NEXN: variants seen among roughly 807,000 people sequenced by gnomAD.
The protein encoded by NEXN is nexilin F-actin binding protein.
In NEXN, 65 loss-of-function variants were observed where a neutral mutation model predicts 92.6. The observed-to-expected ratio is 0.70, with a 90% CI of 0.57 to 0.86. NEXN has a LOEUF of 0.86. NEXN is among the 40% of genes least tolerant of loss of function. The pLI is 0.00. For synonymous variants in NEXN, 254 were observed against 242.5 expected, an observed-to-expected ratio of 1.05 and a Z score of -0.44; for missense variants, 778 against 771.1, an observed-to-expected ratio of 1.01 and a Z score of -0.11.
At chr1:77,931,412 C>CAAAAA (rs138490881) in intron 9 of NEXN, among the ~76,000 whole-genome samples, 1 of 57,590 alleles carries the variant, frequency 1.7e-5, no homozygotes. Context: ...GACTCCGTCT[C>CAAAAA]AAAAAAAAAA....
intron 11 of NEXN, among the ~76,000 whole-genome samples, chr1:77,937,915 T>A (rs900727731): frequency 6.6e-6 from 1 of 152,142 alleles, no homozygotes; most frequent in Non-Finnish European, 1.5e-5. Flanking sequence ...AATAAGAGTA[T>A]GTGTTACTGT....
intron 1 of NEXN, 92 bp from the exon 2 acceptor site, chr1:77,915,963 T>G (rs1648942920): frequency 1.3e-5 from 4 of 316,248 alleles, no homozygotes; most frequent in Non-Finnish European, 2.2e-5. Flanking sequence ...CAGTATTTTT[T>G]GAGGGGCAAT....
At position 77,941,592 on chromosome 1, in the gene NEXN, G is replaced by A. The variant is rs1651313752; in HGVS notation, c.1474-431G>A. 3.7e-5 allele frequency: 7 copies of A among 191,274 alleles called. No homozygotes were observed. In the South Asian group the frequency reaches 5.8e-4, roughly 16 times the overall value. 11.8% of individuals were successfully genotyped at this position (191,274 alleles called of 1,614,324 possible). A position where few individuals can be genotyped will look rare whatever the true frequency, so the allele number is the denominator to read the frequency against. Reference sequence around the variant, plus strand: ...TTGGAGGGAATTCATTAGGGACATAGTTCTAAGAAGGGTAAAGAAGGAAAA... The same window carrying A: ...TTGGAGGGAATTCATTAGGGACATAATTCTAAGAAGGGTAAAGAAGGAAAA... On this transcript the variant is annotated intron_variant, in intron 11 of 12. Coordinates refer to ENST00000334785, the MANE Select transcript of NEXN (RefSeq NM_144573.4).
chr1:77,904,096 G>GA (rs1353399637), intron 1 of NEXN, among the ~76,000 whole-genome samples: 31 of 152,198 alleles, frequency 2.0e-4, no homozygotes, highest in Middle Eastern at 3.4e-3. Flanking sequence ...AGGTTCAAGG[G>GA]ATTCTCCTGC....
At chr1:77,904,389 T>C (rs964551490) in intron 1 of NEXN, among the ~76,000 whole-genome samples, 1 of 152,230 alleles carries the variant, frequency 6.6e-6, no homozygotes, top group Admixed American at 6.5e-5. Context: ...TTTGAGAATA[T>C]GTTTCTAAAA....
intron 9 of NEXN, among the ~76,000 whole-genome samples, chr1:77,932,870 T>A (rs1436825726): frequency 6.6e-6 from 1 of 152,170 alleles, no homozygotes; most frequent in Non-Finnish European, 1.5e-5. Flanking sequence ...ATGTGAAACC[T>A]ATTTAAGAAA....
At chr1:77,904,640 T>A (rs1647968074) in intron 1 of NEXN, among the ~76,000 whole-genome samples, 1 of 151,992 alleles carries the variant, frequency 6.6e-6, no homozygotes. Flanking sequence ...GAGCGTAGAG[T>A]CTACCATGCG....
chr1:77,891,626 C>T (rs1189216276), intron 1 of NEXN, among the ~76,000 whole-genome samples: 1 of 151,988 alleles, frequency 6.6e-6, no homozygotes, highest in African/African-American at 2.4e-5. Context: ...ATAGGCCTCC[C>T]CTTTGACCCT....
chr1:77,917,603 A>G lies in NEXN; in HGVS notation c.65A>G (p.Tyr22Cys), dbSNP rs1057518512. The part of the protein sequence containing the change: ...LSSSKPVPKT[Y>C]VPKLGKGDVK... ...TCATCTAAACCTGTCCCAAAAACCT[A>G]TGTACCAAAACTTGGCAAGGGTGAT... The change falls in exon 3 of 13, where the codon TAT (tyrosine) becomes TGT (cysteine). Residue 22 changes from tyrosine to cysteine, a missense_variant. This residue lies in a region of NEXN where 236 missense variants were observed against 265.6 expected (regional missense o/e 0.89). Coordinates refer to ENST00000334785, the MANE Select transcript of NEXN (RefSeq NM_144573.4). The G allele has an allele frequency of 3.1e-6, 5 of 1,613,476 alleles. No homozygotes were observed. The highest frequency in any genetic ancestry group is 1.3e-5 in the African/African-American group (1 of 74,900).
rs748404504 is a variant in NEXN, at chr1:77,942,660, A to G, written c.1859A>G (p.Glu620Gly). The G allele has an allele frequency of 9.9e-6, 16 of 1,613,692 alleles. No homozygotes were observed. Among genetic ancestry groups the G allele is most frequent in the African/African-American group, 1.3e-5 (1 of 74,890 alleles). ...GAAATTACATGGTGGTTTGAAGGAGAAATACTGCAGGATGGAGAAGACTAT... is the reference window on the plus strand; with the variant it reads ...GAAATTACATGGTGGTTTGAAGGAGGAATACTGCAGGATGGAGAAGACTAT... Reference protein sequence around the residue: ...KPEITWWFEGEILQDGEDYQY... With the variant: ...KPEITWWFEGGILQDGEDYQY... Residue 620 changes from glutamate (E) to glycine (G), a missense_variant, in exon 13 of 13, where the codon GAA becomes GGA. Physicochemically the swap from Glu to Gly is moderately conservative, Grantham distance 98. This residue lies in a region of NEXN where 532 missense variants were observed against 476.7 expected (regional missense o/e 1.12). Coordinates refer to ENST00000334785, the MANE Select transcript of NEXN (RefSeq NM_144573.4).
intron 10 of NEXN, among the ~76,000 whole-genome samples, chr1:77,934,673 G>A (rs568281447): frequency 1.7e-3 from 262 of 152,304 alleles, no homozygotes; most frequent in Middle Eastern, 3.4e-3. Context: ...CCCAGGTTGC[G>A]TGGGCAGCAG....
At position 77,942,854 on chromosome 1, in the gene NEXN, T is replaced by G; in HGVS notation, c.*25T>G. The stretch of plus-strand genomic sequence containing the variant: ...ATCACTCTTTTTATCTTTTATTCTA[T>G]TAATTTTTTTTTCCTTAAAATCACT... On this transcript the variant is annotated 3_prime_UTR_variant, in exon 13 of 13. Transcript: ENST00000334785. 1 of 1,575,480 alleles carries G rather than the reference T, an allele frequency of 6.3e-7. No individual in the cohort carries two copies. The highest frequency in any genetic ancestry group is 1.4e-5 in the African/African-American group (1 of 73,050).
At chr1:77,891,745 A>AT (rs1647109830) in intron 1 of NEXN, among the ~76,000 whole-genome samples, 2 of 44,006 alleles carry the variant, frequency 4.5e-5, no homozygotes, top group African/African-American at 1.6e-4. Flanking sequence ...GTGGAAAAAA[A>AT]GTAAAAAAAA....
intron 9 of NEXN, among the ~76,000 whole-genome samples, chr1:77,931,231 CAAAAAAA>C (rs367898061): frequency 8.3e-5 from 10 of 120,574 alleles, no homozygotes; most frequent in African/African-American, 3.6e-4. Flanking sequence ...ACTAAAAATA[CAAAAAAA>C]AAAAAAAAAA....
chr1:77,916,217 G>T, intron 2 of NEXN, 84 bp downstream of exon 2: 1 of 1,071,736 alleles, frequency 9.3e-7, no homozygotes, highest in Non-Finnish European at 1.4e-6. Flanking sequence ...TCATTTGGTG[G>T]AAAGGTCATA....
intron 1 of NEXN, among the ~76,000 whole-genome samples, chr1:77,910,300 T>C (rs1557968475): frequency 6.6e-6 from 1 of 152,176 alleles, no homozygotes; most frequent in Non-Finnish European, 1.5e-5. Context: ...CACTTCTATC[T>C]AACATTGTAC....
chr1:77,895,645 CTT>C (rs1211191443), intron 1 of NEXN, among the ~76,000 whole-genome samples: 14 of 152,110 alleles, frequency 9.2e-5, no homozygotes, highest in Non-Finnish European at 2.9e-5. Flanking sequence ...AGGCGGATCT[CTT>C]GAGGCCAGGA....
chr1:77,938,244 G>T (rs1308120210), intron 11 of NEXN, among the ~76,000 whole-genome samples: 1 of 152,172 alleles, frequency 6.6e-6, no homozygotes, highest in Non-Finnish European at 1.5e-5. Context: ...TTTCATCATT[G>T]CCAAAAGCAA....
In NEXN at chr1:77,907,372, G is replaced by GT. The variant is rs1395505706; in HGVS notation, c.-52-8677dup. Among the ~76,000 whole-genome samples the GT allele has an allele frequency of 2.6e-5, 4 of 152,178 alleles. 1 individual carries two copies. The highest frequency in any genetic ancestry group is 7.2e-5 in the African/African-American group (3 of 41,438). On this transcript the variant is annotated intron_variant, in intron 1 of 12. Coordinates refer to ENST00000334785, the MANE Select transcript of NEXN (RefSeq NM_144573.4). ...TTTACAGTGTCTACGTAATTATGAA[G>GT]TTTTTTCTCCAACATAAAAATATTT...
Sources: allele counts gnomAD v4.1 joint callset (sites outside exome capture counted in the v4.1 genomes callset), GRCh38; gene constraint gnomAD v4.1.1; regional missense constraint gnomAD v4.1.1; transcripts MANE v1.5; gene names NCBI Gene and HGNC (gene_info 2026-07-23, HGNC 2026-07-21).